Variants in PCDHGB1 observed in about 807,000 individuals in gnomAD.
PCDHGB1 encodes the protein protocadherin gamma subfamily B, 1, also known as protocadherin gamma-B1.
In PCDHGB1, 34 loss-of-function variants were observed where a neutral mutation model predicts 56.6. The observed-to-expected ratio is 0.60, with a 90% CI of 0.46 to 0.80. The LOEUF is 0.80. Ranked by LOEUF, PCDHGB1 falls within the 30% of genes least tolerant of loss-of-function variation. The pLI, the probability that PCDHGB1 is intolerant of heterozygous loss-of-function variation, is 0.00. For missense variants in PCDHGB1, 1,278 were observed against 1,204.6 expected (o/e 1.06, Z -0.90); for synonymous variants, 561 against 505.9 (o/e 1.11, Z -1.46).
In PCDHGB1 at chr5:141,352,605, C is replaced by T. The variant is rs772049810; in HGVS notation, c.2345C>T (p.Ser782Phe). The T allele has an allele frequency of 6.2e-7, 1 of 1,613,500 alleles. No individual in the cohort carries two copies. Among genetic ancestry groups the T allele is most frequent in the East Asian group, 2.2e-5 (1 of 44,892 alleles). The part of the protein sequence containing the change: ...PPQDLLCDDP[S>F]MVVCASNEDH... ...CAGGATCTGCTGTGTGATGATCCTT[C>T]TATGGTTGTATGTGCCAGTAATGAA... Residue 782 changes from serine to phenylalanine, a missense_variant, in exon 1 of 4, where the codon TCT becomes TTT. By Grantham distance (155) the Ser-to-Phe change is radical (BLOSUM62 -2). Coordinates refer to ENST00000523390, the MANE Select transcript of PCDHGB1 (RefSeq NM_018922.3).
At chr5:141,505,323 G>C in intron 2 of PCDHGB1, 70 bp from the exon 3 acceptor site, 1 of 1,606,758 alleles carries the variant, frequency 6.2e-7, no homozygotes, top group South Asian at 1.1e-5. Flanking sequence ...GGGAGCCCTG[G>C]GAGAGGACAG....
intron 1 of PCDHGB1, chr5:141,384,578 C>T: frequency 5.0e-6 from 8 of 1,614,256 alleles, no homozygotes; most frequent in Non-Finnish European, 6.8e-6. Flanking sequence ...GACAACCCGC[C>T]CGAGATCCTG....
intron 1 of PCDHGB1, among the ~76,000 whole-genome samples, chr5:141,469,723 C>G (rs2099209474): frequency 6.6e-6 from 1 of 152,210 alleles, no homozygotes; most frequent in Non-Finnish European, 1.5e-5. Context: ...AGGAATTTAT[C>G]ATAAATACAC....
Position 141,431,975 on chromosome 5 carries a change from A to G in PCDHGB1, c.2410-62832A>G. 1 of 1,614,218 alleles carries G rather than the reference A, an allele frequency of 6.2e-7. No individual in the cohort carries two copies. Among genetic ancestry groups the G allele is most frequent in the Non-Finnish European group, 8.5e-7 (1 of 1,180,022 alleles). ...TTACGGAAATTACTATAGTTTAGTC[A>G]CAGACATAGTCTTGGATAGGGAACA... On this transcript the variant is annotated intron_variant, in intron 1 of 3. Transcript: ENST00000523390. The surrounding 1 kb of genome is among the most constrained non-coding windows in gnomAD (Gnocchi z 4.8).
intron 1 of PCDHGB1, chr5:141,374,357 C>A: frequency 6.2e-7 from 1 of 1,614,018 alleles, no homozygotes; most frequent in Non-Finnish European, 8.5e-7. Flanking sequence ...TAGGATAGAC[C>A]GCGAGGAGCT....
chr5:141,439,212 T>G (rs1391791892), intron 1 of PCDHGB1, among the ~76,000 whole-genome samples: 1 of 150,642 alleles, frequency 6.6e-6, no homozygotes, highest in Non-Finnish European at 1.5e-5. Context: ...AAAATCCATA[T>G]GTGAAAATTC....
intron 1 of PCDHGB1, chr5:141,372,718 C>G: frequency 6.2e-7 from 1 of 1,613,818 alleles, no homozygotes; most frequent in East Asian, 2.2e-5. Flanking sequence ...GCTGAAAATG[C>G]TGCACCACAA....
At chr5:141,374,100 G>C (rs767728339) in intron 1 of PCDHGB1, 7 of 1,564,992 alleles carry the variant, frequency 4.5e-6, no homozygotes, top group Non-Finnish European at 6.1e-6. Flanking sequence ...CCTCCGCAGA[G>C]GCATCCGCAG....
intron 1 of PCDHGB1, chr5:141,412,395 T>G (rs941350125): frequency 1.3e-5 from 2 of 152,246 alleles, no homozygotes; most frequent in African/African-American, 4.8e-5. Flanking sequence ...ATTTAACTTG[T>G]ATCCCTGTAA....
chr5:141,389,999 G>C (rs777892783), intron 1 of PCDHGB1: 4 of 1,614,018 alleles, frequency 2.5e-6, no homozygotes, highest in Non-Finnish European at 3.4e-6. Context: ...TCGTGGCCAT[G>C]ATTCTGGCCA....
chr5:141,350,578 C>G lies in PCDHGB1; in HGVS notation c.318C>G (p.Val106=). 1 of 1,613,970 alleles carries G rather than the reference C, an allele frequency of 6.2e-7. No individual in the cohort carries two copies. The highest frequency in any genetic ancestry group is 8.5e-7 in the Non-Finnish European group (1 of 1,179,880). ...AGTGTGCACTAGAATTCGAAACGGT[C>G]GCTGAAAACCCAATGAATGTTTTCC... ...KLECALEFET[V]AENPMNVFHV... The change falls in exon 1 of 4, where the codon GTC becomes GTG. Residue 106 remains valine (V), a synonymous_variant. Coordinates refer to ENST00000523390, the MANE Select transcript of PCDHGB1 (RefSeq NM_018922.3).
chr5:141,364,362 G>C, intron 1 of PCDHGB1: 1 of 1,560,576 alleles, frequency 6.4e-7, no homozygotes, highest in Non-Finnish European at 8.7e-7. Flanking sequence ...TGGGGCTGCG[G>C]AGAGCTGCTG....
chr5:141,364,754 G>A (rs940260607), intron 1 of PCDHGB1: 5 of 1,613,870 alleles, frequency 3.1e-6, no homozygotes, highest in Non-Finnish European at 4.2e-6. Context: ...AAAAGTAAAA[G>A]TTAATGAAAA....
At chr5:141,504,500 GAGTGGATCT>G (rs2099838791) in intron 2 of PCDHGB1, among the ~76,000 whole-genome samples, 1 of 152,072 alleles carries the variant, frequency 6.6e-6, no homozygotes, top group Non-Finnish European at 1.5e-5. Context: ...TGCCCAGTCT[GAGTGGATCT>G]CCTCTGATAT....
intron 1 of PCDHGB1, chr5:141,478,214 C>T (rs1258200424): frequency 6.2e-7 from 1 of 1,614,140 alleles, no homozygotes; most frequent in Admixed American, 1.7e-5. Flanking sequence ...TTCTCTAATC[C>T]TGGTTTCTGT....
intron 1 of PCDHGB1, chr5:141,384,591 C>T (rs1780246263): frequency 6.2e-7 from 1 of 1,614,114 alleles, no homozygotes; most frequent in South Asian, 1.1e-5. Flanking sequence ...AGATCCTGTA[C>T]CCGGCCCTCC....
rs777537045 is a variant in PCDHGB1 at position 141,490,191 on chromosome 5, A to T, written c.2410-4616A>T. The T allele has an allele frequency of 6.2e-7, 1 of 1,614,176 alleles. No homozygotes were observed. The highest frequency in any genetic ancestry group is 1.1e-5 in the South Asian group (1 of 91,082). On this transcript the variant is annotated intron_variant, in intron 1 of 3. Coordinates refer to ENST00000523390, the MANE Select transcript of PCDHGB1 (RefSeq NM_018922.3). The surrounding 1 kb of genome is among the most constrained non-coding windows in gnomAD (Gnocchi z 5.4). ...ACTTTGAGGAGTCACGTTTCTATGA[A>T]ATTCATGCAAGAGCCCGTGACCAGG...
chr5:141,384,281 T>A, intron 1 of PCDHGB1: 2 of 1,613,774 alleles, frequency 1.2e-6, no homozygotes, highest in Non-Finnish European at 1.7e-6. Flanking sequence ...TCAGTCTACA[T>A]CGCTGAGAAC....
At chr5:141,452,524 C>T (rs542476667) in intron 1 of PCDHGB1, among the ~76,000 whole-genome samples, 83 of 152,294 alleles carry the variant, frequency 5.4e-4, no homozygotes, top group African/African-American at 1.9e-3. Flanking sequence ...CCCTCAAAAT[C>T]GTGAGTTCAT....
Sources: allele counts gnomAD v4.1 joint callset (sites outside exome capture counted in the v4.1 genomes callset), GRCh38; gene constraint gnomAD v4.1.1; non-coding constraint Gnocchi (gnomAD v3.1); transcripts MANE v1.5; gene names NCBI Gene and HGNC (gene_info 2026-07-23, HGNC 2026-07-21).